Variants in TTC7B observed in about 807,000 individuals in gnomAD.
The protein encoded by TTC7B is tetratricopeptide repeat protein 7B.
In TTC7B, 28 loss-of-function variants were observed where a neutral mutation model predicts 106.8. The observed-to-expected ratio is 0.26, with a 90% CI of 0.19 to 0.36. The LOEUF (loss-of-function observed/expected upper bound fraction) is 0.36, where lower values mean the gene tolerates loss of function less well. Ranked by LOEUF, TTC7B falls within the 10% of genes least tolerant of loss-of-function variation. The pLI is 1.00. For synonymous variants in TTC7B, 405 were observed against 430.6 expected, an observed-to-expected ratio of 0.94 and a Z score of 0.74; for missense variants, 862 against 1,076.4, an observed-to-expected ratio of 0.80 and a Z score of 2.79.
At position 90,757,112 on chromosome 14, in the gene TTC7B, C is replaced by A. The variant is rs555893196; in HGVS notation, c.446-12190G>T. On this transcript the variant is annotated intron_variant, in intron 3 of 19. Coordinates refer to ENST00000328459, the MANE Select transcript of TTC7B (RefSeq NM_001010854.2). This position sits in a 1 kb window ranked among gnomAD's most constrained non-coding sequence, Gnocchi z 4.1. ...CTTAACGTGGTGGATCTCCACCAGG[C>A]ATGGCCCCACAGCGCCCCCTCACAA... is the stretch of plus-strand genomic sequence containing the variant. Among the ~76,000 whole-genome samples, 1 of 152,304 alleles carries A rather than the reference C, an allele frequency of 6.6e-6. No homozygotes were observed. The highest frequency in any genetic ancestry group is 2.4e-5 in the African/African-American group (1 of 41,562).
chr14:90,541,297 G>T lies in TTC7B; in HGVS notation c.*71C>A. ...TGTGGCAGATTCATCCCCTTGGGGC[G>T]ATGGCACAAGCCCTGGTGCCCGGCA... is the stretch of plus-strand genomic sequence containing the variant. On this transcript the variant is annotated 3_prime_UTR_variant, in exon 20 of 20. Coordinates refer to ENST00000328459, the MANE Select transcript of TTC7B (RefSeq NM_001010854.2). 7.2e-7 allele frequency: 1 copy of T among 1,398,024 alleles called. No homozygotes were observed. The highest frequency in any genetic ancestry group is 9.7e-7 in the Non-Finnish European group (1 of 1,029,930). The allele number at this position is 1,398,024 out of a possible 1,614,324, so 86.6% of individuals were successfully genotyped here.
intron 3 of TTC7B, among the ~76,000 whole-genome samples, chr14:90,765,980 A>T (rs1031592711): frequency 7.2e-5 from 11 of 152,154 alleles, no homozygotes; most frequent in Non-Finnish European, 1.3e-4. Flanking sequence ...AGGGCCAGAC[A>T]TTCAAGACTA....
At chr14:90,694,184 G>A (rs1206487151) in intron 6 of TTC7B, among the ~76,000 whole-genome samples, 2 of 152,138 alleles carry the variant, frequency 1.3e-5, no homozygotes, top group African/African-American at 4.8e-5. Flanking sequence ...GAGGCAATGA[G>A]CCAAGATTGT....
At chr14:90,587,605 G>A (rs1891768736) in intron 18 of TTC7B, among the ~76,000 whole-genome samples, 1 of 152,166 alleles carries the variant, frequency 6.6e-6, no homozygotes, top group African/African-American at 2.4e-5. Context: ...GGGGTCGCAG[G>A]GGCCTACAGT....
At position 90,600,664 on chromosome 14, in the gene TTC7B, G is replaced by A. The variant is rs1892387468; in HGVS notation, c.1967-7038C>T. 1.3e-5 allele frequency among the ~76,000 whole-genome samples: 2 copies of A among 152,224 alleles called. No homozygotes were observed. Among genetic ancestry groups the A allele is most frequent in the South Asian group, 4.1e-4 (2 of 4,830 alleles). ...ACCCCAGTAAGGCAGGGAGGGCCGG[G>A]GACATGTCATCACCGGTGGGCATGC... is the stretch of plus-strand genomic sequence containing the variant. On this transcript the variant is annotated intron_variant, in intron 17 of 19. Coordinates refer to ENST00000328459, the MANE Select transcript of TTC7B (RefSeq NM_001010854.2). The surrounding 1 kb of genome is among the most constrained non-coding windows in gnomAD (Gnocchi z 4.3).
intron 15 of TTC7B, among the ~76,000 whole-genome samples, chr14:90,625,935 A>G (rs1208453891): frequency 6.6e-6 from 1 of 152,232 alleles, no homozygotes; most frequent in Non-Finnish European, 1.5e-5. Flanking sequence ...CCTTGAGGTC[A>G]AATAATACTT....
At chr14:90,647,142 T>C (rs986621429) in intron 13 of TTC7B, 119 bp from the exon 14 acceptor site, 10 of 789,180 alleles carry the variant, frequency 1.3e-5, no homozygotes, top group Admixed American at 4.4e-5. Context: ...TATTTAACTA[T>C]GTAATGCTTC....
At chr14:90,652,460 A>G (rs1366577871) in intron 13 of TTC7B, among the ~76,000 whole-genome samples, 2 of 148,184 alleles carry the variant, frequency 1.3e-5, no homozygotes, top group African/African-American at 5.0e-5. Context: ...TCCTTTATAC[A>G]AAAACCTGCA....
Position 90,621,448 on chromosome 14 carries a change from G to A in TTC7B, c.1752-3403C>T, listed in dbSNP as rs554160256. On this transcript the variant is annotated intron_variant, in intron 15 of 19. Transcript: ENST00000328459. ...TGATGGGCAGAAGCCACGTGGGTACGGCCGGGACAAGTGGCAGAAGCCATG... is the reference window on the plus strand; with the variant it reads ...TGATGGGCAGAAGCCACGTGGGTACAGCCGGGACAAGTGGCAGAAGCCATG... 1.3e-4 allele frequency among the ~76,000 whole-genome samples: 19 copies of A among 151,622 alleles called. No individual in the cohort carries two copies. The East Asian group carries it at 2.3e-3, about 19-fold the overall frequency.
At position 90,532,269 on chromosome 14, in the gene TTC7B, C is replaced by A. The variant is rs1889305454; in HGVS notation, c.*9099G>T. On this transcript the variant is annotated 3_prime_UTR_variant, in exon 20 of 20. Transcript: ENST00000328459. ...TATTTGTAAAAATTAACATAGTTAC[C>A]TTTGGACAACATATTAAAGAAAGAA... 6.6e-6 allele frequency: 1 copy of A among 152,144 alleles called. No individual in the cohort carries two copies. The highest frequency in any genetic ancestry group is 1.5e-5 in the Non-Finnish European group (1 of 68,040). 9.4% of individuals were successfully genotyped at this position (152,144 alleles called of 1,614,324 possible).
chr14:90,710,967 C>T (rs2139967117), intron 5 of TTC7B, among the ~76,000 whole-genome samples: 1 of 152,258 alleles, frequency 6.6e-6, no homozygotes, highest in Non-Finnish European at 1.5e-5. Flanking sequence ...AAAACAACAA[C>T]ACCTTGTCAA....
At chr14:90,631,671 G>A (rs1423871605) in intron 15 of TTC7B, among the ~76,000 whole-genome samples, 1 of 152,150 alleles carries the variant, frequency 6.6e-6, no homozygotes, top group Non-Finnish European at 1.5e-5. Context: ...CTCCCAAAGT[G>A]CTGGGATTAC....
chr14:90,812,045 C>A (rs956860515), intron 1 of TTC7B, among the ~76,000 whole-genome samples: 27 of 152,132 alleles, frequency 1.8e-4, no homozygotes, highest in African/African-American at 6.5e-4. Flanking sequence ...CCCAGGGTCA[C>A]AAGGGGTCAG....
chr14:90,654,124 G>A (rs1397943764), intron 12 of TTC7B, among the ~76,000 whole-genome samples: 2 of 152,064 alleles, frequency 1.3e-5, no homozygotes, highest in East Asian at 3.9e-4. Flanking sequence ...AAAAAATGAA[G>A]TATTACAAAA....
chr14:90,621,509 G>T (rs1296564764), intron 15 of TTC7B, among the ~76,000 whole-genome samples: 8 of 152,036 alleles, frequency 5.3e-5, no homozygotes, highest in Admixed American at 5.2e-4. Flanking sequence ...AAGCCACGTG[G>T]GTACGGCTGG....
intron 16 of TTC7B, among the ~76,000 whole-genome samples, chr14:90,616,654 G>T (rs912118456): frequency 6.6e-6 from 1 of 152,106 alleles, no homozygotes; most frequent in African/African-American, 2.4e-5. Context: ...GTTTCCAGGG[G>T]GTCCATCCCC....
chr14:90,565,688 C>T (rs1015084787), intron 19 of TTC7B, among the ~76,000 whole-genome samples: 4 of 152,144 alleles, frequency 2.6e-5, no homozygotes, highest in African/African-American at 9.7e-5. Context: ...GCATGAGCCA[C>T]CGCGCCTGGC....
chr14:90,591,014 G>A (rs576711717), intron 18 of TTC7B, among the ~76,000 whole-genome samples: 4 of 152,232 alleles, frequency 2.6e-5, no homozygotes, highest in African/African-American at 7.2e-5. Flanking sequence ...AATGAGAAAC[G>A]GATCTTGTGT....
intron 16 of TTC7B, among the ~76,000 whole-genome samples, chr14:90,617,442 T>C (rs183863922): frequency 6.6e-6 from 1 of 152,352 alleles, no homozygotes; most frequent in African/African-American, 2.4e-5. Flanking sequence ...ATGTGTTTGA[T>C]AGTCGTATGC....
Sources: allele counts gnomAD v4.1 joint callset (sites outside exome capture counted in the v4.1 genomes callset), GRCh38; gene constraint gnomAD v4.1.1; non-coding constraint Gnocchi (gnomAD v3.1); transcripts MANE v1.5; gene names NCBI Gene and HGNC (gene_info 2026-07-23, HGNC 2026-07-21).